Variants in CTNNA2 observed in about 807,000 individuals in gnomAD.
CTNNA2 encodes catenin alpha 2, also known as catenin alpha-2.
A neutral mutation model predicts 101.0 loss-of-function variants in CTNNA2; 42 were observed. That is an observed-to-expected ratio of 0.42 (90% CI 0.32 to 0.54). The LOEUF (loss-of-function observed/expected upper bound fraction) is 0.54. Ranked by LOEUF, CTNNA2 falls within the 20% of genes least tolerant of loss-of-function variation. The pLI is 0.14. For missense variants in CTNNA2, 871 were observed against 1,223.1 expected, an observed-to-expected ratio of 0.71 and a Z score of 4.29; for synonymous variants, 450 against 456.4, an observed-to-expected ratio of 0.99 and a Z score of 0.18.
At chr2:80,453,066 G>A (rs1337139701) in intron 9 of CTNNA2, among the ~76,000 whole-genome samples, 1 of 152,112 alleles carries the variant, frequency 6.6e-6, no homozygotes, top group Non-Finnish European at 1.5e-5. Flanking sequence ...CACCCAGTGG[G>A]AATTTGTTAA....
At chr2:79,261,187 G>A (rs562459288) in intron 2 of CTNNA2, among the ~76,000 whole-genome samples, 24 of 152,118 alleles carry the variant, frequency 1.6e-4, no homozygotes, top group African/African-American at 2.9e-4. Flanking sequence ...GAAGTAGCAC[G>A]TCAGGGCATT....
At chr2:79,519,765 G>A (rs1228790655) in intron 1 of CTNNA2, among the ~76,000 whole-genome samples, 1 of 152,052 alleles carries the variant, frequency 6.6e-6, no homozygotes, top group African/African-American at 2.4e-5. Flanking sequence ...AAACTGTGAG[G>A]GACTAAGTAA....
intron 15 of CTNNA2, among the ~76,000 whole-genome samples, chr2:80,591,477 T>TTTTTTTTTTTTTTTTTTTTTTC (rs1696503082): frequency 7.1e-6 from 1 of 140,116 alleles, no homozygotes; most frequent in Non-Finnish European, 1.5e-5. Context: ...TTTTTTTTTT[T>TTTTTTTTTTTTTTTTTTTTTTC]TGCAAACAGA....
chr2:80,608,050 T>TG, intron 16 of CTNNA2, 134 bp from the exon 17 acceptor site: 16 of 749,338 alleles, frequency 2.1e-5, no homozygotes, highest in Non-Finnish European at 3.2e-5. Flanking sequence ...AAATGCACTG[T>TG]GAAAAAGTTA....
intron 6 of CTNNA2, among the ~76,000 whole-genome samples, 159 bp downstream of exon 6, chr2:79,874,501 A>G (rs527818546): frequency 6.6e-6 from 1 of 152,308 alleles, no homozygotes; most frequent in African/African-American, 2.4e-5. Context: ...TCTGTAATAT[A>G]TTGGCTAAGC....
intron 7 of CTNNA2, among the ~76,000 whole-genome samples, chr2:80,123,080 G>C (rs1418120640): frequency 6.6e-6 from 1 of 152,064 alleles, no homozygotes; most frequent in Non-Finnish European, 1.5e-5. Flanking sequence ...TCCAGTCTCC[G>C]GTCATCTTTC....
chr2:79,879,822 C>T (rs1683291577), intron 6 of CTNNA2, among the ~76,000 whole-genome samples: 1 of 152,052 alleles, frequency 6.6e-6, no homozygotes, highest in Non-Finnish European at 1.5e-5. Flanking sequence ...CTTTATCTTA[C>T]CTGATTGCCC....
At chr2:79,363,594 G>A in intron 3 of CTNNA2, among the ~76,000 whole-genome samples, 1 of 151,300 alleles carries the variant, frequency 6.6e-6, no homozygotes, top group East Asian at 1.9e-4. Flanking sequence ...ATATAATATA[G>A]AAAACTGAAC....
At chr2:79,334,940 T>G (rs1025488896) in intron 3 of CTNNA2, among the ~76,000 whole-genome samples, 1 of 152,200 alleles carries the variant, frequency 6.6e-6, no homozygotes, top group Non-Finnish European at 1.5e-5. Context: ...TCAGGGATAC[T>G]GAACTAGGCC....
At chr2:79,591,981 G>A (rs1676886594) in intron 1 of CTNNA2, among the ~76,000 whole-genome samples, 2 of 147,154 alleles carry the variant, frequency 1.4e-5, no homozygotes, top group Admixed American at 1.4e-4. Flanking sequence ...CCCAAAGGAT[G>A]CTTATTTGAG....
chr2:79,907,509 C>T (rs769410350), intron 6 of CTNNA2, among the ~76,000 whole-genome samples: 22 of 152,020 alleles, frequency 1.4e-4, no homozygotes, highest in Non-Finnish European at 3.1e-4. Context: ...ATCTGTGCTC[C>T]CCTCTCAGCT....
chr2:79,853,111 A>G (rs200575234), intron 3 of CTNNA2, among the ~76,000 whole-genome samples: 2 of 151,876 alleles, frequency 1.3e-5, no homozygotes, highest in Admixed American at 6.5e-5. Flanking sequence ...CAAGTGATCC[A>G]CCCACCTCAG....
chr2:80,378,080 GC>G (rs1676136016), intron 7 of CTNNA2, among the ~76,000 whole-genome samples: 1 of 152,112 alleles, frequency 6.6e-6, no homozygotes, highest in Non-Finnish European at 1.5e-5. Context: ...AGGGGGCCAG[GC>G]GCAGGTGGCT....
At chr2:79,725,002 T>C (rs1686740038) in intron 2 of CTNNA2, among the ~76,000 whole-genome samples, 1 of 152,064 alleles carries the variant, frequency 6.6e-6, no homozygotes, top group Non-Finnish European at 1.5e-5. Flanking sequence ...AAGTAGGAGC[T>C]GTAGAAAAGC....
intron 4 of CTNNA2, among the ~76,000 whole-genome samples, chr2:79,504,233 T>C (rs934943136): frequency 1.3e-5 from 2 of 152,180 alleles, no homozygotes; most frequent in African/African-American, 4.8e-5. Flanking sequence ...TTTTTTCCTT[T>C]ATCTCTTTTA....
chr2:80,451,903 A>G (rs186028110), intron 9 of CTNNA2, among the ~76,000 whole-genome samples: 1 of 152,332 alleles, frequency 6.6e-6, no homozygotes, highest in Non-Finnish European at 1.5e-5. Flanking sequence ...TATTTAAATC[A>G]GCATATACTA....
chr2:80,326,419 T>C (rs1386588185), intron 7 of CTNNA2, among the ~76,000 whole-genome samples: 1 of 152,168 alleles, frequency 6.6e-6, no homozygotes, highest in Non-Finnish European at 1.5e-5. Context: ...ACTCTAGTCT[T>C]CTTGTCATTT....
At chr2:80,427,017 C>G (rs1681058442) in intron 9 of CTNNA2, among the ~76,000 whole-genome samples, 1 of 152,010 alleles carries the variant, frequency 6.6e-6, no homozygotes, top group Non-Finnish European at 1.5e-5. Flanking sequence ...AGTTCTTCTG[C>G]TTAGTTTACC....
At chr2:79,483,993 G>C (rs1573187375) in intron 4 of CTNNA2, among the ~76,000 whole-genome samples, 1 of 152,194 alleles carries the variant, frequency 6.6e-6, no homozygotes, top group East Asian at 1.9e-4. Flanking sequence ...AAAAATACAT[G>C]TATGGTTGGG....
Sources: allele counts gnomAD v4.1 joint callset (sites outside exome capture counted in the v4.1 genomes callset), GRCh38; gene constraint gnomAD v4.1.1; transcripts MANE v1.5; gene names NCBI Gene and HGNC (gene_info 2026-07-23, HGNC 2026-07-21).